MMP16: variants seen among roughly 807,000 people sequenced by gnomAD.
The protein encoded by MMP16 is matrix metallopeptidase 16.
Under a neutral mutation model 67.8 loss-of-function variants are expected in MMP16, and 12 were observed. That is an observed-to-expected ratio of 0.18 (90% confidence interval 0.11 to 0.29). The LOEUF is 0.29. MMP16 is among the 10% of genes least tolerant of loss of function. The probability of loss-of-function intolerance (pLI) is 1.00; values close to 1 mark genes in which losing one functional copy is unlikely to be tolerated. For missense variants in MMP16, 475 were observed against 765.7 expected (o/e 0.62, Z 4.48); for synonymous variants, 249 against 255.9 (o/e 0.97, Z 0.26).
At chr8:88,190,584 T>TA (rs1809154949) in intron 2 of MMP16, among the ~76,000 whole-genome samples, 1 of 152,200 alleles carries the variant, frequency 6.6e-6, no homozygotes, top group African/African-American at 2.4e-5. Flanking sequence ...CCCAAATAGA[T>TA]AATATAAATT....
chr8:88,094,076 A>C (rs1808984650), intron 6 of MMP16, among the ~76,000 whole-genome samples: 1 of 151,902 alleles, frequency 6.6e-6, no homozygotes, highest in African/African-American at 2.4e-5. Context: ...AATAACAGAA[A>C]GAACTCTTTA....
rs376763917 is a variant in MMP16, at chr8:88,243,536, A to C, written c.133-46230T>G. On this transcript the variant is annotated intron_variant, in intron 1 of 9. Coordinates refer to ENST00000286614, the MANE Select transcript of MMP16 (RefSeq NM_005941.5). Reference sequence around the variant, plus strand: ...ATTTGTTTCCAGTCAGCATGATTTCACCCAGAAAATGTTGCAGTAGACTCT... The same window carrying C: ...ATTTGTTTCCAGTCAGCATGATTTCCCCCAGAAAATGTTGCAGTAGACTCT... Among the ~76,000 whole-genome samples, 11 of 152,278 alleles carry C rather than the reference A, an allele frequency of 7.2e-5. No homozygotes were observed. The East Asian group carries it at 1.5e-3, about 21-fold the overall frequency.
intron 1 of MMP16, among the ~76,000 whole-genome samples, chr8:88,302,900 G>A (rs1323954934): frequency 1.3e-5 from 2 of 152,190 alleles, no homozygotes; most frequent in African/African-American, 2.4e-5. Context: ...AGCCTAGCCA[G>A]GAGTGGCATG....
At chr8:88,050,964 A>G (rs892586863) in intron 8 of MMP16, among the ~76,000 whole-genome samples, 1 of 152,222 alleles carries the variant, frequency 6.6e-6, no homozygotes, top group African/African-American at 2.4e-5. Flanking sequence ...TAATTCGGGT[A>G]TGAATTTGTC....
chr8:88,106,667 TA>T (rs910277242), intron 6 of MMP16, among the ~76,000 whole-genome samples: 1 of 151,106 alleles, frequency 6.6e-6, no homozygotes, highest in African/African-American at 2.4e-5. Flanking sequence ...ATAATGAATT[TA>T]AAAAAAACTC....
chr8:88,131,772 A>G (rs1457416191), intron 4 of MMP16, among the ~76,000 whole-genome samples: 1 of 151,876 alleles, frequency 6.6e-6, no homozygotes, highest in African/African-American at 2.4e-5. Flanking sequence ...CTAACAAACC[A>G]TAATAATTTT....
chr8:88,293,923 A>G lies in MMP16; in HGVS notation c.132+33152T>C, dbSNP rs75288018. Among the ~76,000 whole-genome samples the G allele has an allele frequency of 6.3e-3, 954 of 152,150 alleles. 6 individuals are homozygous for G. Among genetic ancestry groups the G allele is most frequent in the African/African-American group, 0.022 (905 of 41,528 alleles). On this transcript the variant is annotated intron_variant, in intron 1 of 9. Transcript: ENST00000286614. The stretch of plus-strand genomic sequence containing the variant: ...ACTTTTCTGGATGCTTTCTAATTTG[A>G]TAAGAATGAAAGGAAAAGAAAAGTA...
rs532444837 is a variant in MMP16 at position 88,032,922 on chromosome 8, C to G, written c.*8539G>C. On this transcript the variant is annotated 3_prime_UTR_variant, in exon 10 of 10. Transcript: ENST00000286614. ...AGAAACTTAAATCTAGATTTTAATACTCTCTCCATAATTGAAAACATCATG... is the reference window on the plus strand; with the variant it reads ...AGAAACTTAAATCTAGATTTTAATAGTCTCTCCATAATTGAAAACATCATG... 1.3e-5 allele frequency: 2 copies of G among 152,014 alleles called. No individual in the cohort carries two copies. The highest frequency in any genetic ancestry group is 4.8e-5 in the African/African-American group (2 of 41,396). The allele number at this position is 152,014 out of a possible 1,614,324, so 9.4% of individuals were successfully genotyped here.
rs559233828 is a variant in MMP16 at position 88,068,346 on chromosome 8, TCTAA to T, written c.1222+6255_1222+6258del. Reference sequence around the variant, plus strand: ...TATACTTGGCTTGCAAATAATGTACTCTAACTGAGGCTTTTTATTCACTTAAAAG... The same window carrying T: ...TATACTTGGCTTGCAAATAATGTACTCTGAGGCTTTTTATTCACTTAAAAG... On this transcript the variant is annotated intron_variant, in intron 7 of 9. Transcript: ENST00000286614. 1.5e-4 allele frequency among the ~76,000 whole-genome samples: 23 copies of T among 152,278 alleles called. No individual in the cohort carries two copies. The South Asian group carries it at 3.5e-3, about 23-fold the overall frequency.
chr8:88,161,056 C>A (rs1808612278), intron 4 of MMP16, among the ~76,000 whole-genome samples: 1 of 152,102 alleles, frequency 6.6e-6, no homozygotes, highest in South Asian at 2.1e-4. Flanking sequence ...ATGATGCTGG[C>A]CTCATAAAAT....
chr8:88,288,741 T>C (rs1210968033), intron 1 of MMP16, among the ~76,000 whole-genome samples: 1 of 152,224 alleles, frequency 6.6e-6, no homozygotes, highest in Non-Finnish European at 1.5e-5. Flanking sequence ...CCAATGTTTA[T>C]TGTGTATCAA....
chr8:88,208,294 T>C (rs1809460181), intron 1 of MMP16, among the ~76,000 whole-genome samples: 2 of 152,314 alleles, frequency 1.3e-5, no homozygotes, highest in Non-Finnish European at 1.5e-5. Flanking sequence ...TGCTACCCCA[T>C]AAGCCTTAAA....
chr8:88,118,600 A>G (rs941145920), intron 5 of MMP16, 100 bp downstream of exon 5: 334 of 1,102,174 alleles, frequency 3.0e-4, no homozygotes, highest in Non-Finnish European at 5.9e-5. Flanking sequence ...TTCTGTAGTC[A>G]TCTGTGTTAT....
intron 1 of MMP16, among the ~76,000 whole-genome samples, chr8:88,208,361 G>A (rs1403339315): frequency 1.3e-5 from 2 of 152,216 alleles, no homozygotes; most frequent in Non-Finnish European, 2.9e-5. Flanking sequence ...TGAGAATATT[G>A]ATTGGTTCCA....
chr8:88,223,764 A>G (rs941499468), intron 1 of MMP16, among the ~76,000 whole-genome samples: 1 of 151,636 alleles, frequency 6.6e-6, no homozygotes, highest in African/African-American at 2.4e-5. Context: ...TGGGTGCAGC[A>G]CACCAACATG....
intron 4 of MMP16, among the ~76,000 whole-genome samples, chr8:88,124,430 A>G (rs1284335207): frequency 6.6e-6 from 1 of 151,958 alleles, no homozygotes; most frequent in Non-Finnish European, 1.5e-5. Context: ...CCAAAGTTAC[A>G]GAGTAAATAG....
At chr8:88,284,958 C>T (rs1810804030) in intron 1 of MMP16, among the ~76,000 whole-genome samples, 1 of 151,926 alleles carries the variant, frequency 6.6e-6, no homozygotes, top group African/African-American at 2.4e-5. Flanking sequence ...GGTAAACTTC[C>T]CTGATTTTTG....
intron 1 of MMP16, among the ~76,000 whole-genome samples, chr8:88,309,854 T>C (rs992657759): frequency 6.6e-6 from 1 of 152,092 alleles, no homozygotes; most frequent in African/African-American, 2.4e-5. Context: ...ATTGTGACTG[T>C]TAAAACACTA....
At chr8:88,251,436 C>A in intron 1 of MMP16, among the ~76,000 whole-genome samples, 1 of 146,208 alleles carries the variant, frequency 6.8e-6, no homozygotes, top group African/African-American at 2.7e-5. Context: ...AACTGGCTAG[C>A]CATATGTAGA....
Sources: allele counts gnomAD v4.1 joint callset (sites outside exome capture counted in the v4.1 genomes callset), GRCh38; gene constraint gnomAD v4.1.1; transcripts MANE v1.5; gene names NCBI Gene and HGNC (gene_info 2026-07-23, HGNC 2026-07-21).